IPMK: variants seen among roughly 807,000 people sequenced by gnomAD.
The protein encoded by IPMK is inositol 1,3,4,6-tetrakisphosphate 5-kinase.
Under a neutral mutation model 45.8 loss-of-function variants are expected in IPMK, and 17 were observed. That is an observed-to-expected ratio of 0.37 (90% CI 0.25 to 0.56). The LOEUF (loss-of-function observed/expected upper bound fraction) is 0.56. Ranked by LOEUF, IPMK falls within the 20% of genes least tolerant of loss-of-function variation. The pLI, the probability that IPMK is intolerant of heterozygous loss-of-function variation, is 0.79. For synonymous variants in IPMK, 180 were observed against 184.3 expected (o/e 0.98, Z 0.19); for missense variants, 399 against 498.0 (o/e 0.80, Z 1.89).
At chr10:58,242,459 C>CAA (rs1377487096) in intron 1 of IPMK, among the ~76,000 whole-genome samples, 28 of 44,896 alleles carry the variant, frequency 6.2e-4, no homozygotes, top group African/African-American at 1.6e-3. Context: ...GACTCCGTCT[C>CAA]AAAAAAAAAA....
chr10:58,254,101 A>T (rs1482661112), intron 1 of IPMK, among the ~76,000 whole-genome samples: 2 of 152,134 alleles, frequency 1.3e-5, no homozygotes, highest in African/African-American at 2.4e-5. Flanking sequence ...GGAAATTTTC[A>T]GCCATTATTT....
chr10:58,201,672 C>T (rs1838000345), intron 4 of IPMK, among the ~76,000 whole-genome samples: 1 of 152,140 alleles, frequency 6.6e-6, no homozygotes, highest in Admixed American at 6.5e-5. Flanking sequence ...AAGGAAATGT[C>T]ACGTCTCTCA....
In IPMK at chr10:58,194,958, G is replaced by T. The variant is rs547801096; in HGVS notation, c.*1118C>A. 2.6e-5 allele frequency: 4 copies of T among 151,782 alleles called. No homozygotes were observed. The highest frequency in any genetic ancestry group is 4.8e-5 in the African/African-American group (2 of 41,334). The allele number at this position is 151,782 out of a possible 1,614,324, so 9.4% of individuals were successfully genotyped here. The stretch of plus-strand genomic sequence containing the variant: ...ATGAAATTAAGTTACAATTTCACTG[G>T]TCAACATAATATAAAACTGTTTTGA... On this transcript the variant is annotated 3_prime_UTR_variant, in exon 6 of 6. Coordinates refer to ENST00000373935, the MANE Select transcript of IPMK (RefSeq NM_152230.5).
rs902234553 is a variant in IPMK at position 58,248,560 on chromosome 10, T to C, written c.191-10746A>G. Among the ~76,000 whole-genome samples the C allele has an allele frequency of 2.6e-5, 4 of 152,190 alleles. No individual in the cohort carries two copies. The East Asian group carries it at 5.8e-4, about 22-fold the overall frequency. On this transcript the variant is annotated intron_variant, in intron 1 of 5. Transcript: ENST00000373935. Reference sequence around the variant, plus strand: ...ATAATTCATTTGTGTTGGGAACATATCAAATATTCTCTTCTAGCTATTTTG... The same window carrying C: ...ATAATTCATTTGTGTTGGGAACATACCAAATATTCTCTTCTAGCTATTTTG...
At chr10:58,217,354 A>T (rs759138266) in intron 3 of IPMK, among the ~76,000 whole-genome samples, 20 of 151,878 alleles carry the variant, frequency 1.3e-4, no homozygotes, top group Non-Finnish European at 1.6e-4. Flanking sequence ...GTCCCAAGGG[A>T]AACAGTAAGG....
intron 3 of IPMK, among the ~76,000 whole-genome samples, chr10:58,220,171 T>A (rs1246919966): frequency 6.6e-6 from 1 of 152,070 alleles, no homozygotes; most frequent in Non-Finnish European, 1.5e-5. Flanking sequence ...TACTGTAACA[T>A]GTAAGTCCCT....
chr10:58,256,321 T>C lies in IPMK; in HGVS notation c.190+11101A>G, dbSNP rs187095493. Among the ~76,000 whole-genome samples, 5 of 152,282 alleles carry C rather than the reference T, an allele frequency of 3.3e-5. No individual in the cohort carries two copies. The East Asian group carries it at 9.7e-4, about 29-fold the overall frequency. ...TCTAAAATGGCCCTCTGGAAGTGTC[T>C]GCCTTATGCGGTTGAAGATAAGGGA... On this transcript the variant is annotated intron_variant, in intron 1 of 5. Transcript: ENST00000373935.
chr10:58,266,669 T>TA (rs1171494144), intron 1 of IPMK, among the ~76,000 whole-genome samples: 2 of 152,180 alleles, frequency 1.3e-5, no homozygotes, highest in South Asian at 2.1e-4. Context: ...CTAGATGAAT[T>TA]AGAGTTCCTA....
chr10:58,198,614 G>A (rs1837943674), intron 5 of IPMK, among the ~76,000 whole-genome samples: 1 of 152,088 alleles, frequency 6.6e-6, no homozygotes, highest in Non-Finnish European at 1.5e-5. Flanking sequence ...CTATGCATAA[G>A]TTCTTCTCTA....
intron 4 of IPMK, among the ~76,000 whole-genome samples, chr10:58,205,027 T>C (rs1424692651): frequency 2.0e-5 from 3 of 152,172 alleles, no homozygotes; most frequent in African/African-American, 7.2e-5. Context: ...TGGATATCCA[T>C]ATGCAAAAGA....
At chr10:58,243,622 G>C (rs1013578133) in intron 1 of IPMK, among the ~76,000 whole-genome samples, 2 of 152,190 alleles carry the variant, frequency 1.3e-5, no homozygotes, top group African/African-American at 4.8e-5. Context: ...AGCCCGCCTC[G>C]GCCTCCCGAG....
At chr10:58,260,224 T>C (rs769213256) in intron 1 of IPMK, among the ~76,000 whole-genome samples, 7 of 152,192 alleles carry the variant, frequency 4.6e-5, no homozygotes, top group Non-Finnish European at 8.8e-5. Flanking sequence ...TTCTAAAATG[T>C]CATACACCTA....
At chr10:58,240,911 G>A (rs778050584) in intron 1 of IPMK, among the ~76,000 whole-genome samples, 56 of 152,140 alleles carry the variant, frequency 3.7e-4, no homozygotes, top group Non-Finnish European at 7.3e-5. Context: ...AGAGGTACAG[G>A]CATTAAGGAA....
chr10:58,235,402 A>C (rs530325137), intron 2 of IPMK, among the ~76,000 whole-genome samples: 23 of 152,340 alleles, frequency 1.5e-4, no homozygotes, highest in Non-Finnish European at 2.6e-4. Context: ...AATAGCAAAG[A>C]CTTGGAACCA....
rs766290279 is a variant in IPMK at position 58,196,244 on chromosome 10, T to C, written c.1083A>G (p.Gln361=). Residue 361 remains glutamine (Q), a synonymous_variant, in exon 6 of 6, where the codon CAA becomes CAG. Transcript: ENST00000373935. ...GAAGATGGTAGAAAACTTTTTCCAG[T>C]TGGGAAAGTACATTTCCATTTAAAT... ...QEHLNGNVLS[Q]LEKVFYHLPT... 62 of 1,614,044 alleles carry C rather than the reference T, an allele frequency of 3.8e-5. 1 individual carries two copies. The Middle Eastern group carries it at 6.6e-4, about 17-fold the overall frequency.
intron 2 of IPMK, among the ~76,000 whole-genome samples, chr10:58,227,915 T>A (rs1229415993): frequency 2.0e-5 from 3 of 152,186 alleles, no homozygotes; most frequent in Non-Finnish European, 4.4e-5. Flanking sequence ...TTTACTGGTG[T>A]AAAATGCTTA....
At chr10:58,199,141 A>G in intron 5 of IPMK, 99 bp downstream of exon 5, 2 of 661,864 alleles carry the variant, frequency 3.0e-6, no homozygotes, top group Non-Finnish European at 2.5e-6. Context: ...AATGTTTATT[A>G]TGAATCAAAT....
intron 1 of IPMK, 115 bp from the exon 2 acceptor site, chr10:58,237,929 T>G: frequency 1.4e-6 from 1 of 706,294 alleles, no homozygotes; most frequent in Non-Finnish European, 2.4e-6. Context: ...CTTAAGGGTT[T>G]ACTTTTACTT....
At position 58,192,858 on chromosome 10, in the gene IPMK, T is replaced by C. The variant is rs1837836818; in HGVS notation, c.*3218A>G. ...CTATGAAAACATCAAAAACATGTAATAGAAAGGGTAACTGAGGGTACAAAC... is the reference window on the plus strand; with the variant it reads ...CTATGAAAACATCAAAAACATGTAACAGAAAGGGTAACTGAGGGTACAAAC... On this transcript the variant is annotated 3_prime_UTR_variant, in exon 6 of 6. Transcript: ENST00000373935. 5 of 151,930 alleles carry C rather than the reference T, an allele frequency of 3.3e-5. No individual in the cohort carries two copies. The highest frequency in any genetic ancestry group is 3.3e-4 in the Admixed American group (5 of 15,254). The allele number at this position is 151,930 out of a possible 1,614,324, so 9.4% of individuals were successfully genotyped here.
Sources: gnomAD v4.1 joint callset for allele counts (sites outside exome capture counted in the v4.1 genomes callset) on GRCh38, gnomAD v4.1.1 for gene constraint, MANE v1.5 for transcripts, NCBI Gene and HGNC (gene_info 2026-07-23, HGNC 2026-07-21) for gene names.